Variants in KDM2B observed in about 807,000 individuals in gnomAD.
KDM2B encodes the protein lysine demethylase 2B.
Under a neutral mutation model 150.0 loss-of-function variants are expected in KDM2B, and 26 were observed. The ratio of observed to expected loss-of-function variants is 0.17; its 90% CI spans 0.13 to 0.24. The LOEUF is 0.24. KDM2B is among the 10% of genes least tolerant of loss of function. The pLI is 1.00. For missense variants in KDM2B, 1,265 were observed against 1,816.9 expected, an observed-to-expected ratio of 0.70 and a Z score of 5.52; for synonymous variants, 734 against 729.5, an observed-to-expected ratio of 1.01 and a Z score of -0.10.
Position 121,442,321 on chromosome 12 carries a change from G to C in KDM2B, c.3120C>G (p.Arg1040=), listed in dbSNP as rs781932574. The change falls in exon 19 of 23, where the codon CGC becomes CGG. Residue 1040 remains arginine (R), a synonymous_variant. Coordinates refer to ENST00000377071, the MANE Select transcript of KDM2B (RefSeq NM_032590.5). This position sits in a 1 kb window ranked among gnomAD's most constrained non-coding sequence, Gnocchi z 7.7. ...TGATGGGGGGTGGCCGGATCACATG[G>C]CGCTCCATCTGGATACACTTGGGCG... ...VSPPKCIQME[R]HVIRPPPISP... is the part of the protein sequence containing the mutation. The C allele has an allele frequency of 3.4e-5, 54 of 1,607,308 alleles. No individual in the cohort carries two copies. Among genetic ancestry groups the C allele is most frequent in the Non-Finnish European group, 2.5e-6 (3 of 1,176,574 alleles).
At chr12:121,561,074 T>C (rs782067212) in intron 4 of KDM2B, among the ~76,000 whole-genome samples, 2 of 152,152 alleles carry the variant, frequency 1.3e-5, no homozygotes, top group African/African-American at 2.4e-5. Flanking sequence ...TCATCGGTGT[T>C]CTGGCTCCCG....
At chr12:121,489,630 G>A (rs1433434634) in intron 12 of KDM2B, among the ~76,000 whole-genome samples, 1 of 151,970 alleles carries the variant, frequency 6.6e-6, no homozygotes, top group African/African-American at 2.4e-5. Context: ...AGTAGAGATG[G>A]GGTTTTACCA....
At chr12:121,574,275 A>G in intron 4 of KDM2B, 1 of 373,108 alleles carries the variant, frequency 2.7e-6, no homozygotes, top group Non-Finnish European at 5.0e-6. Context: ...GAGAGATCTC[A>G]GATTGCGTTG....
chr12:121,474,755 C>A (rs1000784154), intron 12 of KDM2B, among the ~76,000 whole-genome samples: 2 of 152,078 alleles, frequency 1.3e-5, no homozygotes, highest in Non-Finnish European at 2.9e-5. Flanking sequence ...GAGTTGGAGA[C>A]CAACCTGGCA....
intron 12 of KDM2B, among the ~76,000 whole-genome samples, chr12:121,458,612 T>G (rs1325960321): frequency 6.6e-6 from 1 of 151,660 alleles, no homozygotes; most frequent in Non-Finnish European, 1.5e-5. Flanking sequence ...GACCAGCCTG[T>G]CCAACATGGT....
intron 12 of KDM2B, among the ~76,000 whole-genome samples, chr12:121,487,983 AT>A (rs1392364279): frequency 6.6e-6 from 1 of 151,856 alleles, no homozygotes; most frequent in Non-Finnish European, 1.5e-5. Context: ...GGGTTTCACC[AT>A]GTTGGCCAGG....
chr12:121,466,497 T>C (rs1342788138), intron 12 of KDM2B, among the ~76,000 whole-genome samples: 1 of 151,942 alleles, frequency 6.6e-6, no homozygotes, highest in African/African-American at 2.4e-5. Context: ...TCCTGCCATC[T>C]GGGGTCGCGG....
rs564515089 is a variant in KDM2B at position 121,521,988 on chromosome 12, G to A, written c.932-888C>T. Among the ~76,000 whole-genome samples, 11 of 152,012 alleles carry A rather than the reference G, an allele frequency of 7.2e-5. No homozygotes were observed. Among genetic ancestry groups the A allele is most frequent in the East Asian group, 3.9e-4 (2 of 5,178 alleles). The stretch of plus-strand genomic sequence containing the variant: ...GCAGGGCATGGTGGTGCACACCTGC[G>A]GTCCCAGCTACTCAGGAGGCTGAGG... On this transcript the variant is annotated intron_variant, in intron 8 of 22. Transcript: ENST00000377071. This position sits in a 1 kb window ranked among gnomAD's most constrained non-coding sequence, Gnocchi z 4.9.
rs376738263 is a variant in KDM2B at position 121,437,243 on chromosome 12, T to A, written c.3829+2614A>T. Among the ~76,000 whole-genome samples, 14 of 152,120 alleles carry A rather than the reference T, an allele frequency of 9.2e-5. No homozygotes were observed. In the East Asian group the frequency reaches 2.7e-3, roughly 29 times the overall value. ...TGGGGAGGGGGAGAGCATTCAATTC[T>A]GTTGTACCATTTGCATAGAAACTAA... On this transcript the variant is annotated intron_variant, in intron 22 of 22. Coordinates refer to ENST00000377071, the MANE Select transcript of KDM2B (RefSeq NM_032590.5).
intron 22 of KDM2B, among the ~76,000 whole-genome samples, chr12:121,431,896 T>TG (rs1873109991): frequency 6.7e-6 from 1 of 149,602 alleles, no homozygotes; most frequent in Non-Finnish European, 1.5e-5. Flanking sequence ...TTTTTTTTTT[T>TG]GGAGATGATG....
At chr12:121,441,394 C>G (rs897246459) in intron 19 of KDM2B, 161 bp from the exon 20 acceptor site, 1 of 616,828 alleles carries the variant, frequency 1.6e-6, no homozygotes, top group Non-Finnish European at 2.8e-6. Context: ...CCCACGCGGG[C>G]ACCTCCCACC....
intron 22 of KDM2B, among the ~76,000 whole-genome samples, chr12:121,432,206 C>T (rs1873168812): frequency 1.3e-5 from 2 of 151,952 alleles, no homozygotes; most frequent in Non-Finnish European, 2.9e-5. Flanking sequence ...CAAAGGGTAT[C>T]CCTTAATCTT....
At chr12:121,411,625 ACTT>A in the KDM2B span, among the ~76,000 whole-genome samples, 1 of 152,210 alleles carries the variant, frequency 6.6e-6, no homozygotes, top group Non-Finnish European at 1.5e-5. Context: ...CATATTTTGA[ACTT>A]TCTAAATAGC....
chr12:121,417,236 C>A, the KDM2B span, among the ~76,000 whole-genome samples: 1 of 152,144 alleles, frequency 6.6e-6, no homozygotes, highest in Non-Finnish European at 1.5e-5. The surrounding 1 kb of genome is among the most constrained non-coding windows in gnomAD (Gnocchi z 5.0). Context: ...ATGTTTATAC[C>A]AAGGGGTGGA....
chr12:121,444,358 C>T, intron 15 of KDM2B, 86 bp from the exon 16 acceptor site: 1 of 1,606,874 alleles, frequency 6.2e-7, no homozygotes, highest in Non-Finnish European at 8.5e-7. Context: ...CGGCAACCCA[C>T]CTGCCTGAAA....
At chr12:121,545,397 A>G (rs1005553965) in intron 6 of KDM2B, among the ~76,000 whole-genome samples, 7 of 137,106 alleles carry the variant, frequency 5.1e-5, no homozygotes, top group African/African-American at 1.7e-4. Flanking sequence ...TTAAAAAAAG[A>G]AAAAAAAATG....
chr12:121,535,228 CA>C (rs782047795), intron 6 of KDM2B, among the ~76,000 whole-genome samples: 4 of 150,070 alleles, frequency 2.7e-5, no homozygotes, highest in Non-Finnish European at 5.9e-5. Flanking sequence ...AAAAAACCCA[CA>C]CACACAAAAA....
intron 8 of KDM2B, among the ~76,000 whole-genome samples, chr12:121,528,705 C>T (rs1191128071): frequency 3.3e-5 from 5 of 152,090 alleles, no homozygotes; most frequent in African/African-American, 7.2e-5. Context: ...CCAGCCTGGG[C>T]AACATGGTGA....
chr12:121,467,117 T>A lies in KDM2B; in HGVS notation c.1735-13773A>T. The A allele has an allele frequency of 9.1e-7, 1 of 1,094,784 alleles. No homozygotes were observed. Among genetic ancestry groups the A allele is most frequent in the Non-Finnish European group, 1.1e-6 (1 of 876,606 alleles). 67.8% of individuals were successfully genotyped at this position (1,094,784 alleles called of 1,614,324 possible). On this transcript the variant is annotated intron_variant, in intron 12 of 22. Coordinates refer to ENST00000377071, the MANE Select transcript of KDM2B (RefSeq NM_032590.5). This position sits in a 1 kb window ranked among gnomAD's most constrained non-coding sequence, Gnocchi z 5.1. ...CGTCAGACAGGCGGTCGGGAGGTCG[T>A]GCGGCGGGTCCCTCCCTCAGCCCCA...
Sources: allele counts gnomAD v4.1 joint callset (sites outside exome capture counted in the v4.1 genomes callset), GRCh38; gene constraint gnomAD v4.1.1; non-coding constraint Gnocchi (gnomAD v3.1); transcripts MANE v1.5; gene names NCBI Gene and HGNC (gene_info 2026-07-23, HGNC 2026-07-21).